Variants in SNAPC5 observed in about 807,000 individuals in gnomAD.
SNAPC5 encodes snRNA-activating protein complex subunit 5.
A neutral mutation model predicts 9.1 loss-of-function variants in SNAPC5; 12 were observed. The ratio of observed to expected loss-of-function variants is 1.32; its 90% CI spans 0.85 to 2.15. SNAPC5 has a LOEUF of 2.15. Ranked by LOEUF, SNAPC5 falls within the 30% of genes most tolerant of loss-of-function variation. SNAPC5 has a pLI of 0.00. For missense variants in SNAPC5, 132 were observed against 114.4 expected, an observed-to-expected ratio of 1.15 and a Z score of -0.70; for synonymous variants, 52 against 47.3, an observed-to-expected ratio of 1.10 and a Z score of -0.41.
chr15:66,494,477 C>G lies in SNAPC5; in HGVS notation c.256G>C (p.Glu86Gln). The G allele has an allele frequency of 6.2e-7, 1 of 1,613,892 alleles. No homozygotes were observed. The highest frequency in any genetic ancestry group is 8.5e-7 in the Non-Finnish European group (1 of 1,179,988). Residue 86 changes from glutamate (E) to glutamine (Q), a missense_variant, in exon 3 of 3, where the codon GAA becomes CAA. Glu to Gln is a conservative substitution (Grantham distance 29). Coordinates refer to ENST00000316634, the MANE Select transcript of SNAPC5 (RefSeq NM_001329615.2). Reference sequence around the variant, plus strand: ...TCTTCCTCTTCCTCCTCCTCCTCTTCCGTCACATGACTCTTTGTGCTCAGC... The same window carrying G: ...TCTTCCTCTTCCTCCTCCTCCTCTTGCGTCACATGACTCTTTGTGCTCAGC... ...LELSTKSHVT[E>Q]EEEEEEEEES...
chr15:66,496,066 T>C (rs1893423306), intron 1 of SNAPC5, among the ~76,000 whole-genome samples: 1 of 150,388 alleles, frequency 6.6e-6, no homozygotes, highest in African/African-American at 2.5e-5. Context: ...ACTAAAAGTA[T>C]AACTTCCCTA....
chr15:66,495,280 G>A (rs779786822), intron 2 of SNAPC5, 50 bp downstream of exon 2: 6 of 1,048,204 alleles, frequency 5.7e-6, no homozygotes, highest in African/African-American at 3.1e-5. Flanking sequence ...CAGCATGGGA[G>A]CAGAGCAGAC....
In SNAPC5 at chr15:66,494,511, T is replaced by G. The variant is rs1299523916; in HGVS notation, c.222A>C (p.Thr74=). The G allele has an allele frequency of 6.2e-7, 1 of 1,613,956 alleles. No homozygotes were observed. The highest frequency in any genetic ancestry group is 1.3e-5 in the African/African-American group (1 of 74,922). ...HVDNEASINQ[T]TLELSTKSHV... ...GACTCTTTGTGCTCAGCTCCAGGGT[T>G]GTTTGGTTGATTGATGCTTCATTGT... The change falls in exon 3 of 3, where the codon ACA becomes ACC. Residue 74 remains threonine (T), a synonymous_variant. Coordinates refer to ENST00000316634, the MANE Select transcript of SNAPC5 (RefSeq NM_001329615.2).
chr15:66,497,345 G>A (rs887257660), intron 1 of SNAPC5: 8 of 546,138 alleles, frequency 1.5e-5, no homozygotes, highest in African/African-American at 9.5e-5. Flanking sequence ...GCTGTCTGAG[G>A]GCGATGAACA....
chr15:66,494,343 A>G lies in SNAPC5; in HGVS notation c.*93T>C. 2.4e-6 allele frequency: 2 copies of G among 845,632 alleles called. No homozygotes were observed. Among genetic ancestry groups the G allele is most frequent in the South Asian group, 3.1e-5 (2 of 65,324 alleles). 52.4% of individuals were successfully genotyped at this position (845,632 alleles called of 1,614,324 possible). On this transcript the variant is annotated 3_prime_UTR_variant, in exon 3 of 3. Transcript: ENST00000316634. ...CTTGCTTTCCTTTCAAGCAGATCAC[A>G]GGGCCCAGGGCAAGATGATTTCCTT...
At position 66,494,378 on chromosome 15, in the gene SNAPC5, T is replaced by A; in HGVS notation, c.*58A>T. 8.8e-7 allele frequency: 1 copy of A among 1,136,322 alleles called. No individual in the cohort carries two copies. The highest frequency in any genetic ancestry group is 1.3e-6 in the Non-Finnish European group (1 of 760,154). 70.4% of individuals were successfully genotyped at this position (1,136,322 alleles called of 1,614,324 possible). On this transcript the variant is annotated 3_prime_UTR_variant, in exon 3 of 3. Coordinates refer to ENST00000316634, the MANE Select transcript of SNAPC5 (RefSeq NM_001329615.2). ...GCAAGATGATTTCCTTGAGGAGAAG[T>A]AGCCTGAGCCTTAGAAATGCAATTT...
At chr15:66,489,949 G>A (rs1326555717), downstream of SNAPC5, 2 of 676,988 alleles carry the variant, frequency 3.0e-6, no homozygotes, top group Non-Finnish European at 5.3e-6. Context: ...GAAAGCTGGG[G>A]TGACCCCCGC....
intron 1 of SNAPC5, 51 bp from the exon 2 acceptor site, chr15:66,495,470 T>C (rs774541901): frequency 8.1e-6 from 8 of 993,690 alleles, no homozygotes; most frequent in Non-Finnish European, 1.1e-5. Context: ...ACTGGACTAC[T>C]GATGTGGGTA....
chr15:66,496,549 G>A (rs963323655), intron 1 of SNAPC5, among the ~76,000 whole-genome samples: 12 of 150,228 alleles, frequency 8.0e-5, no homozygotes, highest in Admixed American at 6.6e-5. Flanking sequence ...TTAAGGCAGG[G>A]TCTCCCCATA....
At position 66,495,397 on chromosome 15, in the gene SNAPC5, G is replaced by A; in HGVS notation, c.113C>T (p.Ser38Leu). ...ATCCCCTCTTCTAGAACTGATCATT[G>A]ATTGGAGGGCTAATTCTTCAACCTA... ...RLKVEELALQ[S>L]MISSRRGDEM... The change falls in exon 2 of 3, where the codon TCA (serine) becomes TTA (leucine). Residue 38 changes from serine to leucine, a missense_variant. Transcript: ENST00000316634. 6.2e-7 allele frequency: 1 copy of A among 1,603,918 alleles called. No individual in the cohort carries two copies. Among genetic ancestry groups the A allele is most frequent in the Non-Finnish European group, 8.5e-7 (1 of 1,170,646 alleles).
downstream of SNAPC5, chr15:66,489,859 C>A (rs1410965717): frequency 4.8e-6 from 5 of 1,040,366 alleles, no homozygotes; most frequent in East Asian, 1.2e-4. Context: ...CCATTCATTC[C>A]CTGCCCACTG....
chr15:66,489,978 C>T (rs1893191031), downstream of SNAPC5: 1 of 621,460 alleles, frequency 1.6e-6, no homozygotes, highest in East Asian at 2.8e-5. Flanking sequence ...TAAGCATATG[C>T]CAGAGGAAAT....
At position 66,497,745 on chromosome 15, in the gene SNAPC5, A is replaced by G. The variant is rs750937919; in HGVS notation, c.-14T>C. 11 of 1,602,432 alleles carry G rather than the reference A, an allele frequency of 6.9e-6. No individual in the cohort carries two copies. Among genetic ancestry groups the G allele is most frequent in the Non-Finnish European group, 8.5e-6 (10 of 1,171,978 alleles). On this transcript the variant is annotated 5_prime_UTR_variant, in exon 1 of 3. An upstream start codon of the reference 5' UTR is lost. Coordinates refer to ENST00000316634, the MANE Select transcript of SNAPC5 (RefSeq NM_001329615.2). ...CCGGCTCAGCATGTTGCCTGGTCAC[A>G]TAGCCAACCTCCGGGCTGCTGTCGG...
At chr15:66,493,321 G>A (rs1302314569), downstream of SNAPC5, 1 of 152,106 alleles carries the variant, frequency 6.6e-6, no homozygotes, top group Non-Finnish European at 1.5e-5. Context: ...CAGATACTAA[G>A]TAAAAACTCT....
At chr15:66,497,241 G>A (rs1410816389) in intron 1 of SNAPC5, among the ~76,000 whole-genome samples, 1 of 152,142 alleles carries the variant, frequency 6.6e-6, no homozygotes, top group Non-Finnish European at 1.5e-5. Context: ...CATTTCAAGC[G>A]CCAAAACAAA....
chr15:66,496,567 A>C (rs868325945), intron 1 of SNAPC5, among the ~76,000 whole-genome samples: 1 of 149,166 alleles, frequency 6.7e-6, no homozygotes, highest in Middle Eastern at 3.4e-3. Context: ...ATATAGTTGC[A>C]TGCTGGAGTG....
In SNAPC5 at chr15:66,493,931, TGA is replaced by T. The variant is rs1156764027; in HGVS notation, c.*503_*504del. On this transcript the variant is annotated 3_prime_UTR_variant, in exon 3 of 3. Transcript: ENST00000316634. ...ATAGCATGCAATATTTCAATGCCTC[TGA>T]GAGGTAGAAACAGCTTGTGCTCTCA... 1 of 153,598 alleles carries T rather than the reference TGA, an allele frequency of 6.5e-6. No individual in the cohort carries two copies. Among genetic ancestry groups the T allele is most frequent in the African/African-American group, 2.4e-5 (1 of 41,488 alleles). 9.5% of individuals were successfully genotyped at this position (153,598 alleles called of 1,614,324 possible). A position where few individuals can be genotyped will look rare whatever the true frequency, so the allele number is the denominator to read the frequency against.
At chr15:66,495,145 A>G in intron 2 of SNAPC5, 185 bp downstream of exon 2, 1 of 625,232 alleles carries the variant, frequency 1.6e-6, no homozygotes. Context: ...TTAGTGTATA[A>G]CTAGCTGGTA....
downstream of SNAPC5, chr15:66,491,070 G>A: frequency 2.8e-6 from 1 of 354,246 alleles, no homozygotes; most frequent in East Asian, 4.7e-5. Flanking sequence ...TGCATGTGAA[G>A]CATGCTTTGC....
Sources: gnomAD v4.1 joint callset for allele counts (sites outside exome capture counted in the v4.1 genomes callset) on GRCh38, gnomAD v4.1.1 for gene constraint, MANE v1.5 for transcripts, NCBI Gene and HGNC (gene_info 2026-07-23, HGNC 2026-07-21) for gene names.